Variants in ABCA1 observed in about 807,000 individuals in gnomAD.
ABCA1 encodes ATP binding cassette subfamily A member 1.
In ABCA1, 133 loss-of-function variants were observed where a neutral mutation model predicts 262.5. The observed-to-expected ratio is 0.51, with a 90% CI of 0.44 to 0.59. The LOEUF (loss-of-function observed/expected upper bound fraction) is 0.59, where lower values mean the gene tolerates loss of function less well. Ranked by LOEUF, ABCA1 falls within the 20% of genes least tolerant of loss-of-function variation. ABCA1 has a pLI of 0.00. For missense variants in ABCA1, 2,452 were observed against 2,777.5 expected (o/e 0.88, Z 2.63); for synonymous variants, 1,022 against 1,043.5 (o/e 0.98, Z 0.40).
intron 7 of ABCA1, among the ~76,000 whole-genome samples, chr9:104,847,599 TTTC>T (rs935584697): frequency 7.2e-5 from 11 of 152,338 alleles, no homozygotes; most frequent in South Asian, 2.1e-4. Context: ...TCTTAAACTT[TTTC>T]TTCTATTGAA....
At chr9:104,789,751 T>C (rs1261669806) in intron 44 of ABCA1, among the ~76,000 whole-genome samples, 1 of 149,680 alleles carries the variant, frequency 6.7e-6, no homozygotes, top group Non-Finnish European at 1.5e-5. Context: ...ACAACGGTCA[T>C]GGTCAAAAAA....
chr9:104,923,855 G>T (rs1234919662), intron 1 of ABCA1, among the ~76,000 whole-genome samples: 2 of 152,032 alleles, frequency 1.3e-5, no homozygotes, highest in Non-Finnish European at 2.9e-5. Flanking sequence ...GTCTGAGCAA[G>T]ATAGTGAGAC....
intron 5 of ABCA1, among the ~76,000 whole-genome samples, chr9:104,870,529 C>T (rs1000483246): frequency 3.9e-5 from 6 of 152,164 alleles, no homozygotes; most frequent in African/African-American, 1.4e-4. Flanking sequence ...TGAACGTGTC[C>T]CCCCTCAAAG....
chr9:104,855,567 A>C, intron 7 of ABCA1: 3 of 1,151,604 alleles, frequency 2.6e-6, no homozygotes, highest in Non-Finnish European at 3.5e-6. Flanking sequence ...ATGTCAATTA[A>C]ATTATCAACT....
chr9:104,823,816 G>T (rs928855131), intron 18 of ABCA1, among the ~76,000 whole-genome samples: 12 of 152,268 alleles, frequency 7.9e-5, no homozygotes, highest in East Asian at 7.7e-4. Context: ...ATTAGGAACA[G>T]CAGGCAAGCG....
chr9:104,896,482 T>C (rs1840207545), intron 2 of ABCA1, among the ~76,000 whole-genome samples: 2 of 152,120 alleles, frequency 1.3e-5, no homozygotes. Context: ...AAAATAGCGA[T>C]AGGGTACTTT....
chr9:104,868,539 G>C (rs768416633), intron 5 of ABCA1, among the ~76,000 whole-genome samples: 1 of 152,186 alleles, frequency 6.6e-6, no homozygotes, highest in African/African-American at 2.4e-5. Flanking sequence ...GCCAGCAGAA[G>C]AGAAAGTCAC....
At position 104,781,501 on chromosome 9, in the gene ABCA1, T is replaced by C. The variant is rs1588176287; in HGVS notation, c.*2814A>G. 1 of 152,616 alleles carries C rather than the reference T, an allele frequency of 6.6e-6. No homozygotes were observed. The highest frequency in any genetic ancestry group is 2.4e-5 in the African/African-American group (1 of 41,470). 9.5% of individuals were successfully genotyped at this position (152,616 alleles called of 1,614,324 possible). On this transcript the variant is annotated 3_prime_UTR_variant, in exon 50 of 50. Transcript: ENST00000374736. ...TCTTTGGAAAATATTTTACCTGATA[T>C]ATACAACCACAAGAAGAAAACACAG... is the stretch of plus-strand genomic sequence containing the variant.
chr9:104,785,724 C>A (rs981373324), intron 48 of ABCA1, 85 bp from the exon 49 acceptor site: 1 of 1,573,440 alleles, frequency 6.4e-7, no homozygotes, highest in African/African-American at 1.4e-5. Context: ...CAACTTGTGC[C>A]ATGAAAAAGG....
At position 104,814,376 on chromosome 9, in the gene ABCA1, G is replaced by A. The variant is rs753108083; in HGVS notation, c.3787+51C>T. Reference sequence around the variant, plus strand: ...GGAACAATACTCGTGCACTGAGAAAGCCAGCAGAAGGCACTATCTTAAGTG... The same window carrying A: ...GGAACAATACTCGTGCACTGAGAAAACCAGCAGAAGGCACTATCTTAAGTG... On this transcript the variant is annotated intron_variant, in intron 26 of 49. Transcript: ENST00000374736. The A allele has an allele frequency of 4.4e-6, 7 of 1,596,654 alleles. No individual in the cohort carries two copies. The East Asian group carries it at 1.6e-4, about 36-fold the overall frequency.
At chr9:104,914,306 A>G (rs979192294) in intron 1 of ABCA1, among the ~76,000 whole-genome samples, 10 of 151,540 alleles carry the variant, frequency 6.6e-5, no homozygotes, top group African/African-American at 2.4e-4. Context: ...ATAAAACCCC[A>G]TCTCCACTAA....
chr9:104,858,804 G>T, intron 6 of ABCA1, 106 bp from the exon 7 acceptor site: 1 of 1,171,700 alleles, frequency 8.5e-7, no homozygotes, highest in South Asian at 1.2e-5. Flanking sequence ...CAGCTTTGAA[G>T]ATCTTAAAAC....
intron 15 of ABCA1, 127 bp from the exon 16 acceptor site, chr9:104,827,296 T>C (rs1484003342): frequency 3.7e-6 from 3 of 815,752 alleles, no homozygotes; most frequent in Admixed American, 4.0e-5. Context: ...CGTAATGCTG[T>C]TCATCTTTCT....
intron 7 of ABCA1, chr9:104,856,230 T>C (rs1835828712): frequency 7.3e-7 from 1 of 1,363,504 alleles, no homozygotes; most frequent in African/African-American, 1.5e-5. Flanking sequence ...TGTTTGGAAG[T>C]CATTTCATCC....
chr9:104,892,441 A>G (rs1199411379), intron 2 of ABCA1, among the ~76,000 whole-genome samples: 2 of 151,444 alleles, frequency 1.3e-5, no homozygotes, highest in African/African-American at 4.9e-5. Context: ...GAAGAAAGCA[A>G]TTTTCTTTCT....
In ABCA1 at chr9:104,818,675, T is replaced by C. The variant is rs757576048; in HGVS notation, c.3450A>G (p.Ser1150=). ...SSCRNSSSTV[S]YLKKEDSVSQ... is the part of the protein sequence containing the mutation. ...GACTGCAGCTCACCTTTTTCAGGTA[T>C]GACACAGTGCTACTACTGTTTCTGC... Residue 1150 remains serine (S), a synonymous_variant, in exon 23 of 50, where the codon TCA becomes TCG. Coordinates refer to ENST00000374736, the MANE Select transcript of ABCA1 (RefSeq NM_005502.4). The C allele has an allele frequency of 2.5e-6, 4 of 1,613,104 alleles. No homozygotes were observed. The South Asian group carries it at 4.4e-5, about 18-fold the overall frequency.
At chr9:104,900,738 CT>C (rs1840602166) in intron 2 of ABCA1, among the ~76,000 whole-genome samples, 1 of 152,242 alleles carries the variant, frequency 6.6e-6, no homozygotes. Flanking sequence ...CTGTGCCCCC[CT>C]GAGCCCCAGT....
At chr9:104,855,763 C>G (rs1229721778) in intron 7 of ABCA1, 1 of 1,555,332 alleles carries the variant, frequency 6.4e-7, no homozygotes, top group African/African-American at 1.4e-5. Flanking sequence ...AATATTCAAA[C>G]CCAGACCCAG....
chr9:104,899,228 C>T (rs1179491928), intron 2 of ABCA1, among the ~76,000 whole-genome samples: 1 of 152,104 alleles, frequency 6.6e-6, no homozygotes, highest in Non-Finnish European at 1.5e-5. Flanking sequence ...GGAATCATGA[C>T]CACTGCTGCC....
Sources: gnomAD v4.1 joint callset for allele counts (sites outside exome capture counted in the v4.1 genomes callset) on GRCh38, gnomAD v4.1.1 for gene constraint, MANE v1.5 for transcripts, NCBI Gene and HGNC (gene_info 2026-07-23, HGNC 2026-07-21) for gene names.